Variants in SLC6A7 observed in about 807,000 individuals in gnomAD.
SLC6A7 encodes the protein solute carrier family 6 member 7.
Under a neutral mutation model 73.1 loss-of-function variants are expected in SLC6A7, and 58 were observed. That is an observed-to-expected ratio of 0.79 (90% CI 0.64 to 0.99). The LOEUF (loss-of-function observed/expected upper bound fraction) is 0.99. Among genes scored for constraint, SLC6A7 ranks in the 50% least tolerant of loss-of-function variants. The pLI, the probability that SLC6A7 is intolerant of heterozygous loss-of-function variation, is 0.00. For missense variants in SLC6A7, 783 were observed against 831.4 expected (o/e 0.94, Z 0.72); for synonymous variants, 338 against 338.7 (o/e 1.00, Z 0.02).
At chr5:150,195,692 T>A (rs1752985308) in intron 2 of SLC6A7, among the ~76,000 whole-genome samples, 1 of 152,154 alleles carries the variant, frequency 6.6e-6, no homozygotes, top group Non-Finnish European at 1.5e-5. Context: ...TCTCCTTCTG[T>A]CTCTAGCAAA....
At chr5:150,198,099 G>C (rs1271139768) in intron 4 of SLC6A7, among the ~76,000 whole-genome samples, 5 of 109,510 alleles carry the variant, frequency 4.6e-5, no homozygotes, top group African/African-American at 1.7e-4. Context: ...AAGAAAGAAA[G>C]AAAGAAAGAA....
At chr5:150,198,308 C>G (rs970845823) in intron 4 of SLC6A7, among the ~76,000 whole-genome samples, 2 of 150,914 alleles carry the variant, frequency 1.3e-5, no homozygotes, top group Non-Finnish European at 2.9e-5. Context: ...ACCCCCATCC[C>G]TTACCTATAA....
At chr5:150,199,406 G>C in intron 5 of SLC6A7, 40 bp downstream of exon 5, 1 of 1,483,018 alleles carries the variant, frequency 6.7e-7, no homozygotes, top group Non-Finnish European at 9.4e-7. Flanking sequence ...GGGGCTGGAT[G>C]GGGTGAAGGC....
chr5:150,198,115 G>GAAAGAGAAAGAA (rs1224170798), intron 4 of SLC6A7, among the ~76,000 whole-genome samples: 7 of 77,526 alleles, frequency 9.0e-5, no homozygotes, highest in Non-Finnish European at 2.2e-4. Context: ...AAGAAAGAAA[G>GAAAGAGAAAGAA]AGAAAGAAAG....
At chr5:150,205,919 C>G (rs890802225) in intron 13 of SLC6A7, among the ~76,000 whole-genome samples, 3 of 152,150 alleles carry the variant, frequency 2.0e-5, no homozygotes, top group Admixed American at 2.0e-4. Context: ...AGGTCACCAG[C>G]CCAGAGCTTG....
In SLC6A7 at chr5:150,194,863, C is replaced by G. The variant is rs1352745771; in HGVS notation, c.169C>G (p.Leu57Val). ...LLSCIGYCVG[L>V]GNVWRFPYRA... is the part of the protein sequence containing the mutation. Reference sequence around the variant, plus strand: ...GTCCTGCATTGGCTACTGTGTAGGCCTGGGGAATGTCTGGCGCTTCCCCTA... The same window carrying G: ...GTCCTGCATTGGCTACTGTGTAGGCGTGGGGAATGTCTGGCGCTTCCCCTA... The change falls in exon 2 of 14, where the codon CTG becomes GTG. Residue 57 changes from leucine to valine, a missense_variant. Transcript: ENST00000230671. 1 of 1,614,158 alleles carries G rather than the reference C, an allele frequency of 6.2e-7. No individual in the cohort carries two copies.
intron 13 of SLC6A7, among the ~76,000 whole-genome samples, chr5:150,206,539 T>C (rs1258594274): frequency 1.3e-5 from 2 of 152,192 alleles, no homozygotes; most frequent in Admixed American, 6.5e-5. Flanking sequence ...TCTCCTCCAC[T>C]TCCCCCGTGT....
rs1379711697 is a variant in SLC6A7, at chr5:150,202,444, T to C, written c.956T>C (p.Ile319Thr). The C allele has an allele frequency of 6.2e-7, 1 of 1,613,628 alleles. No homozygotes were observed. The highest frequency in any genetic ancestry group is 1.3e-5 in the African/African-American group (1 of 74,900). ...FASYNTFHQNIYRDTFIVTLG... is the reference protein window; with the variant it reads ...FASYNTFHQNTYRDTFIVTLG... ...TCCTACAACACGTTTCACCAGAACATCTATAGGTCAGTGTCCCACAGCCTC... is the reference window on the plus strand; with the variant it reads ...TCCTACAACACGTTTCACCAGAACACCTATAGGTCAGTGTCCCACAGCCTC... Residue 319 changes from isoleucine to threonine, a missense_variant, in exon 7 of 14, where the codon ATC (isoleucine) becomes ACC (threonine). Transcript: ENST00000230671.
chr5:150,205,775 T>A, intron 13 of SLC6A7, 152 bp downstream of exon 13: 1 of 669,254 alleles, frequency 1.5e-6, no homozygotes, highest in Non-Finnish European at 2.5e-6. Flanking sequence ...ATTCAGGGGC[T>A]GGAGTCCTGC....
In SLC6A7 at chr5:150,209,625, C is replaced by G; in HGVS notation, c.*10C>G. The G allele has an allele frequency of 6.3e-7, 1 of 1,579,420 alleles. No homozygotes were observed. Among genetic ancestry groups the G allele is most frequent in the Non-Finnish European group, 8.6e-7 (1 of 1,160,772 alleles). On this transcript the variant is annotated 3_prime_UTR_variant, in exon 14 of 14. Coordinates refer to ENST00000230671, the MANE Select transcript of SLC6A7 (RefSeq NM_014228.5). ...GGAGTCGATGATGTGAGGCAGGAGG[C>G]AGGCGGGCAGAAGGCCCTGCCCGGG... is the stretch of plus-strand genomic sequence containing the variant.
intron 8 of SLC6A7, 44 bp from the exon 9 acceptor site, chr5:150,203,623 C>A: frequency 1.0e-6 from 1 of 972,060 alleles, no homozygotes; most frequent in Non-Finnish European, 1.7e-6. Flanking sequence ...TATGGGAGCC[C>A]ACCGCATGAC....
Position 150,196,986 on chromosome 5 carries a change from C to T in SLC6A7, c.350-56C>T, listed in dbSNP as rs560987600. The T allele has an allele frequency of 1.9e-5, 29 of 1,561,726 alleles. No individual in the cohort carries two copies. The South Asian group carries it at 2.9e-4, about 15-fold the overall frequency. Reference sequence around the variant, plus strand: ...GCTGCCAGCTCCCCAGAAGCCACTCCACCCGGCTGGCAGAGAGCTTGGCCT... The same window carrying T: ...GCTGCCAGCTCCCCAGAAGCCACTCTACCCGGCTGGCAGAGAGCTTGGCCT... On this transcript the variant is annotated intron_variant, in intron 3 of 13. Coordinates refer to ENST00000230671, the MANE Select transcript of SLC6A7 (RefSeq NM_014228.5).
In SLC6A7 at chr5:150,205,425, C is replaced by T. The variant is rs148027213; in HGVS notation, c.1534-31C>T. On this transcript the variant is annotated intron_variant, in intron 12 of 13. Coordinates refer to ENST00000230671, the MANE Select transcript of SLC6A7 (RefSeq NM_014228.5). ...GCCTTAAGCAGTTTAGACAAAAGCCCGCAGTGATGCTGGGAGTCCCCACTC... is the reference window on the plus strand; with the variant it reads ...GCCTTAAGCAGTTTAGACAAAAGCCTGCAGTGATGCTGGGAGTCCCCACTC... 5.1e-6 allele frequency: 8 copies of T among 1,560,850 alleles called. No homozygotes were observed. The African/African-American group carries it at 5.4e-5, about 11-fold the overall frequency.
At chr5:150,202,483 T>C (rs776681142) in intron 7 of SLC6A7, 33 bp downstream of exon 7, 3 of 1,609,392 alleles carry the variant, frequency 1.9e-6, no homozygotes, top group African/African-American at 2.7e-5. Flanking sequence ...GACCCTGGGG[T>C]CCAAAGCAGG....
intron 13 of SLC6A7, among the ~76,000 whole-genome samples, chr5:150,208,289 C>T (rs755685362): frequency 5.9e-5 from 9 of 152,082 alleles, no homozygotes; most frequent in Admixed American, 2.6e-4. Flanking sequence ...CCTGACTAAC[C>T]GGACAGGGTG....
intron 6 of SLC6A7, 57 bp downstream of exon 6, chr5:150,201,280 A>G: frequency 6.9e-7 from 1 of 1,456,642 alleles, no homozygotes; most frequent in Non-Finnish European, 9.3e-7. Flanking sequence ...TGGAGAGTGG[A>G]AAGAGGGCTC....
Position 150,210,471 on chromosome 5 carries a change from C to G in SLC6A7, c.*856C>G, listed in dbSNP as rs1039665997. ...GCGGATCGGACGGGACAGGGTGGAGCGGGGAGGCCTGTGCAAAGTGGGAAA... is the reference window on the plus strand; with the variant it reads ...GCGGATCGGACGGGACAGGGTGGAGGGGGGAGGCCTGTGCAAAGTGGGAAA... On this transcript the variant is annotated 3_prime_UTR_variant, in exon 14 of 14. Transcript: ENST00000230671. 1 of 152,450 alleles carries G rather than the reference C, an allele frequency of 6.6e-6. No individual in the cohort carries two copies. Among genetic ancestry groups the G allele is most frequent in the Non-Finnish European group, 1.5e-5 (1 of 68,242 alleles). 9.4% of individuals were successfully genotyped at this position (152,450 alleles called of 1,614,324 possible).
chr5:150,203,731 G>A lies in SLC6A7; in HGVS notation c.1152G>A (p.Trp384Ter). The A allele has an allele frequency of 1.9e-6, 3 of 1,612,524 alleles. No individual in the cohort carries two copies. Among genetic ancestry groups the A allele is most frequent in the Non-Finnish European group, 1.7e-6 (2 of 1,179,008 alleles). ...CCATGCTGCCTCTGTCACCCTTCTG[G>A]TCCTTTCTCTTCTTCTTCATGCTTC... ...AMTMLPLSPFWSFLFFFMLLT... is the reference protein window; with the variant it reads ...AMTMLPLSPF Residue 384 changes from tryptophan to a stop codon, truncating the protein, a stop_gained, in exon 9 of 14, where the codon TGG (tryptophan) becomes TGA (stop). Transcript: ENST00000230671. LOFTEE classifies it high-confidence loss of function.
At chr5:150,190,939 G>A (rs1199056432) in intron 1 of SLC6A7, among the ~76,000 whole-genome samples, 1 of 152,216 alleles carries the variant, frequency 6.6e-6, no homozygotes, top group East Asian at 1.9e-4. Flanking sequence ...ATCGGAGGCA[G>A]GAGGATATGA....
Sources: gnomAD v4.1 joint callset for allele counts (sites outside exome capture counted in the v4.1 genomes callset) on GRCh38, gnomAD v4.1.1 for gene constraint, MANE v1.5 for transcripts, NCBI Gene and HGNC (gene_info 2026-07-23, HGNC 2026-07-21) for gene names.